The following PRKG2 variants were observed in gnomAD, a reference collection of about 807,000 sequenced individuals.
The protein encoded by PRKG2 is protein kinase cGMP-dependent 2.
Under a neutral mutation model 97.2 loss-of-function variants are expected in PRKG2, and 33 were observed. The ratio of observed to expected loss-of-function variants is 0.34; its 90% CI spans 0.26 to 0.45. PRKG2 has a LOEUF of 0.45. Among genes scored for constraint, PRKG2 ranks in the 20% least tolerant of loss-of-function variants. The pLI is 1.00. For missense variants in PRKG2, 638 were observed against 900.0 expected, an observed-to-expected ratio of 0.71 and a Z score of 3.73; for synonymous variants, 330 against 321.8, an observed-to-expected ratio of 1.03 and a Z score of -0.27.
At chr4:81,156,407 C>G (rs1233996243) in intron 6 of PRKG2, among the ~76,000 whole-genome samples, 1 of 152,140 alleles carries the variant, frequency 6.6e-6, no homozygotes, top group Non-Finnish European at 1.5e-5. Context: ...GCACCCAATA[C>G]AGGAGCACCC....
chr4:81,113,346 G>A (rs1013402355), intron 14 of PRKG2, among the ~76,000 whole-genome samples: 2 of 150,608 alleles, frequency 1.3e-5, no homozygotes, highest in African/African-American at 2.5e-5. Context: ...TAACAAAACT[G>A]AGGTTTCAAG....
rs1262290314 is a variant in PRKG2, at chr4:81,184,512, A to G, written c.462-9553T>C. On this transcript the variant is annotated intron_variant, in intron 2 of 18. Transcript: ENST00000264399. ...GGTCACCAACATCAAAGACCAAAGTAGATAAATCCATGAAGATGAGGAAAA... is the reference window on the plus strand; with the variant it reads ...GGTCACCAACATCAAAGACCAAAGTGGATAAATCCATGAAGATGAGGAAAA... 2.0e-5 allele frequency among the ~76,000 whole-genome samples: 3 copies of G among 152,208 alleles called. No individual in the cohort carries two copies. In the East Asian group the frequency reaches 5.8e-4, roughly 29 times the overall value.
At chr4:81,206,280 C>T (rs1338956525) in intron 1 of PRKG2, among the ~76,000 whole-genome samples, 1 of 152,154 alleles carries the variant, frequency 6.6e-6, no homozygotes, top group African/African-American at 2.4e-5. Flanking sequence ...TGTGTCCCCA[C>T]CCAAATCTCA....
chr4:81,156,964 A>C (rs1440870679), intron 6 of PRKG2, among the ~76,000 whole-genome samples: 1 of 152,188 alleles, frequency 6.6e-6, no homozygotes, highest in Non-Finnish European at 1.5e-5. Context: ...CTAAATGCCC[A>C]CAAGAGAAAG....
chr4:81,171,041 T>G (rs1323479787), intron 4 of PRKG2, among the ~76,000 whole-genome samples: 2 of 152,284 alleles, frequency 1.3e-5, no homozygotes, highest in South Asian at 4.1e-4. Flanking sequence ...AGGATACACA[T>G]GCAAGACATG....
chr4:81,089,579 G>T lies in PRKG2; in HGVS notation c.*129C>A. 1.5e-6 allele frequency: 1 copy of T among 651,020 alleles called. No individual in the cohort carries two copies. The allele number at this position is 651,020 out of a possible 1,614,324, so 40.3% of individuals were successfully genotyped here. ...CACACCATTCTCCTCTTCCCATTGT[G>T]CAGGAATTTCTTTTCCCTAATGGTC... On this transcript the variant is annotated 3_prime_UTR_variant, in exon 19 of 19. Coordinates refer to ENST00000264399, the MANE Select transcript of PRKG2 (RefSeq NM_006259.3).
chr4:81,173,378 T>C (rs763040415), intron 3 of PRKG2, among the ~76,000 whole-genome samples: 1 of 152,106 alleles, frequency 6.6e-6, no homozygotes, highest in Non-Finnish European at 1.5e-5. Context: ...TCATCAGAAC[T>C]ACTTGGGAAG....
Position 81,205,073 on chromosome 4 carries a change from A to T in PRKG2, c.-13-13T>A. The T allele has an allele frequency of 6.6e-7, 1 of 1,519,332 alleles. No individual in the cohort carries two copies. Among genetic ancestry groups the T allele is most frequent in the Non-Finnish European group, 8.9e-7 (1 of 1,121,230 alleles). 94.1% of individuals were successfully genotyped at this position (1,519,332 alleles called of 1,614,324 possible). A position where few individuals can be genotyped will look rare whatever the true frequency, so the allele number is the denominator to read the frequency against. ...TTTGCTCAGGGACCTGAGAAGGCACAGAATTGGGAAGTATCAAGTGGAGTT... is the reference window on the plus strand; with the variant it reads ...TTTGCTCAGGGACCTGAGAAGGCACTGAATTGGGAAGTATCAAGTGGAGTT... On this transcript the variant is annotated splice_polypyrimidine_tract_variant and intron_variant, in intron 1 of 18. Coordinates refer to ENST00000264399, the MANE Select transcript of PRKG2 (RefSeq NM_006259.3).
At chr4:81,187,331 C>A (rs1751972703) in intron 2 of PRKG2, among the ~76,000 whole-genome samples, 1 of 152,136 alleles carries the variant, frequency 6.6e-6, no homozygotes, top group Non-Finnish European at 1.5e-5. Context: ...ATATGCAAAT[C>A]AAAAAATGTA....
intron 17 of PRKG2, among the ~76,000 whole-genome samples, chr4:81,101,707 A>G (rs767226562): frequency 2.9e-5 from 4 of 137,284 alleles, no homozygotes; most frequent in Non-Finnish European, 5.9e-5. Flanking sequence ...CCTAAAACTT[A>G]AAATATAATA....
At chr4:81,147,643 A>T (rs1747987968) in intron 9 of PRKG2, among the ~76,000 whole-genome samples, 2 of 152,114 alleles carry the variant, frequency 1.3e-5, no homozygotes, top group South Asian at 4.1e-4. Flanking sequence ...GCCAACTGGC[A>T]TGGTGGGAAG....
At chr4:81,101,728 AAGAG>A (rs1017038692) in intron 17 of PRKG2, among the ~76,000 whole-genome samples, 6 of 151,938 alleles carry the variant, frequency 3.9e-5, no homozygotes, top group African/African-American at 9.7e-5. Context: ...AAAAAAAAGA[AAGAG>A]AGACAAATAG....
chr4:81,150,407 T>C lies in PRKG2; in HGVS notation c.1086-1455A>G, dbSNP rs568469931. Among the ~76,000 whole-genome samples the C allele has an allele frequency of 7.9e-5, 12 of 152,162 alleles. No individual in the cohort carries two copies. In the South Asian group the frequency reaches 1.0e-3, roughly 13 times the overall value. Reference sequence around the variant, plus strand: ...CCAGGGACTATTTAATGTCAAGTCATGGAAATATACAGAATATAAGGATTA... The same window carrying C: ...CCAGGGACTATTTAATGTCAAGTCACGGAAATATACAGAATATAAGGATTA... On this transcript the variant is annotated intron_variant, in intron 8 of 18. Coordinates refer to ENST00000264399, the MANE Select transcript of PRKG2 (RefSeq NM_006259.3).
chr4:81,213,077 C>T (rs1039448190), intron 1 of PRKG2, among the ~76,000 whole-genome samples: 2 of 152,104 alleles, frequency 1.3e-5, no homozygotes, highest in Admixed American at 1.3e-4. Flanking sequence ...GTGGCACTGA[C>T]AGAAGTCAGG....
chr4:81,126,029 AC>A (rs1157044153), intron 14 of PRKG2, among the ~76,000 whole-genome samples: 1 of 149,872 alleles, frequency 6.7e-6, no homozygotes, highest in Non-Finnish European at 1.5e-5. Context: ...CCTCTCCCAG[AC>A]CCCCCAGCCG....
At chr4:81,135,404 T>A (rs1400602311) in intron 13 of PRKG2, 108 bp from the exon 14 acceptor site, 1 of 1,162,876 alleles carries the variant, frequency 8.6e-7, no homozygotes, top group Non-Finnish European at 1.2e-6. Flanking sequence ...TATAAATATT[T>A]TGCAGGGTAT....
chr4:81,150,231 C>G (rs1356009450), intron 8 of PRKG2, among the ~76,000 whole-genome samples: 1 of 152,140 alleles, frequency 6.6e-6, no homozygotes, highest in Non-Finnish European at 1.5e-5. Context: ...TATGGTATTC[C>G]TTTTGCATGT....
At chr4:81,099,251 C>T (rs1457042425) in intron 17 of PRKG2, among the ~76,000 whole-genome samples, 2 of 152,050 alleles carry the variant, frequency 1.3e-5, no homozygotes, top group African/African-American at 4.8e-5. Flanking sequence ...GGCAGAGACA[C>T]AACAACAAAA....
At chr4:81,122,374 C>T (rs933783282) in intron 14 of PRKG2, among the ~76,000 whole-genome samples, 4 of 152,052 alleles carry the variant, frequency 2.6e-5, no homozygotes, top group South Asian at 2.1e-4. Flanking sequence ...TTCCATGATC[C>T]TTTAGTTCTT....
Sources: allele counts gnomAD v4.1 joint callset (sites outside exome capture counted in the v4.1 genomes callset), GRCh38; gene constraint gnomAD v4.1.1; transcripts MANE v1.5; gene names NCBI Gene and HGNC (gene_info 2026-07-23, HGNC 2026-07-21).